CNNM2: variants seen among roughly 807,000 people sequenced by gnomAD.
The protein encoded by CNNM2 is cyclin and CBS domain divalent metal cation transport mediator 2.
A neutral mutation model predicts 66.9 loss-of-function variants in CNNM2; 12 were observed. The ratio of observed to expected loss-of-function variants is 0.18; its 90% CI spans 0.11 to 0.29. The LOEUF is 0.29. CNNM2 is among the 10% of genes least tolerant of loss of function. The pLI is 1.00. For synonymous variants in CNNM2, 557 were observed against 501.8 expected, an observed-to-expected ratio of 1.11 and a Z score of -1.47; for missense variants, 705 against 1,167.7, an observed-to-expected ratio of 0.60 and a Z score of 5.77.
At chr10:102,985,363 A>T (rs1244470291) in intron 1 of CNNM2, among the ~76,000 whole-genome samples, 1 of 152,132 alleles carries the variant, frequency 6.6e-6, no homozygotes, top group Admixed American at 6.6e-5. Context: ...AAAATTTTAA[A>T]ATTCTGCTGT....
chr10:103,009,425 C>T (rs1163548204), intron 1 of CNNM2, among the ~76,000 whole-genome samples: 4 of 152,192 alleles, frequency 2.6e-5, no homozygotes, highest in Non-Finnish European at 5.9e-5. Flanking sequence ...GGTATGATGG[C>T]TGACGCCTTT....
intron 1 of CNNM2, among the ~76,000 whole-genome samples, chr10:102,920,468 G>T (rs1845585805): frequency 6.6e-6 from 1 of 152,074 alleles, no homozygotes; most frequent in Non-Finnish European, 1.5e-5. Flanking sequence ...GTGAAGGTAG[G>T]GGCTGGCTGA....
intron 1 of CNNM2, among the ~76,000 whole-genome samples, chr10:102,937,186 T>G (rs1846268590): frequency 6.6e-6 from 1 of 152,182 alleles, no homozygotes. Context: ...TCCAGTTTGT[T>G]TAGATTTGTA....
chr10:102,996,705 G>A (rs1473919125), intron 1 of CNNM2, among the ~76,000 whole-genome samples: 1 of 152,180 alleles, frequency 6.6e-6, no homozygotes, highest in African/African-American at 2.4e-5. Flanking sequence ...AAAAAACTTT[G>A]ATTTGTGAAT....
At chr10:103,069,250 G>A (rs991054631) in intron 5 of CNNM2, among the ~76,000 whole-genome samples, 1 of 152,152 alleles carries the variant, frequency 6.6e-6, no homozygotes, top group Non-Finnish European at 1.5e-5. Context: ...AGTCCCGTCT[G>A]GGGCTACTGT....
At chr10:102,986,779 CAA>C (rs58137673) in intron 1 of CNNM2, among the ~76,000 whole-genome samples, 3 of 120,546 alleles carry the variant, frequency 2.5e-5, no homozygotes, top group Non-Finnish European at 3.4e-5. Context: ...GACTCAGTCT[CAA>C]AAAAAAAAAA....
At chr10:102,957,993 GT>G (rs1415879340) in intron 1 of CNNM2, among the ~76,000 whole-genome samples, 1 of 152,222 alleles carries the variant, frequency 6.6e-6, no homozygotes, top group Non-Finnish European at 1.5e-5. Flanking sequence ...CTGGAGTGCA[GT>G]GGCACGATCT....
In CNNM2 at chr10:102,918,986, C is replaced by A. The variant is rs751388610; in HGVS notation, c.506C>A (p.Thr169Asn). Residue 169 changes from threonine (T) to asparagine (N), a missense_variant, in exon 1 of 8, where the codon ACC becomes AAC. By Grantham distance (65) the Thr-to-Asn change is moderately conservative. Transcript: ENST00000369878. The surrounding 1 kb of genome is among the most constrained non-coding windows in gnomAD (Gnocchi z 4.1). ...ILPHIILNRR[T>N]SGIIEIEIKP... The stretch of plus-strand genomic sequence containing the variant: ...CCCCACATCATTCTCAACCGCCGCA[C>A]CTCGGGCATCATCGAGATCGAGATC... 147 of 1,612,748 alleles carry A rather than the reference C, an allele frequency of 9.1e-5. No homozygotes were observed. The highest frequency in any genetic ancestry group is 1.2e-4 in the Non-Finnish European group (136 of 1,179,542).
chr10:102,979,454 G>A (rs1168093696), intron 1 of CNNM2, among the ~76,000 whole-genome samples: 1 of 152,130 alleles, frequency 6.6e-6, no homozygotes, highest in Non-Finnish European at 1.5e-5. Flanking sequence ...CTTAAATTCA[G>A]ATGTCTGCTC....
At chr10:103,033,651 A>T (rs1373907441) in intron 1 of CNNM2, among the ~76,000 whole-genome samples, 1 of 151,752 alleles carries the variant, frequency 6.6e-6, no homozygotes, top group Non-Finnish European at 1.5e-5. Flanking sequence ...CTACCCTAGG[A>T]TCCTATTTTT....
rs1199581735 is a variant in CNNM2, at chr10:103,079,323, C to G, written c.*2143C>G. The G allele has an allele frequency of 6.6e-6, 1 of 152,320 alleles. No homozygotes were observed. The highest frequency in any genetic ancestry group is 2.4e-5 in the African/African-American group (1 of 41,468). 9.4% of individuals were successfully genotyped at this position (152,320 alleles called of 1,614,324 possible). A position where few individuals can be genotyped will look rare whatever the true frequency, so the allele number is the denominator to read the frequency against. ...CGGGTCTGCGCAGTGCTGGCCTTCC[C>G]TGAGCTGTGGGGAGCCAAGCCTGCC... On this transcript the variant is annotated 3_prime_UTR_variant, in exon 8 of 8. Transcript: ENST00000369878.
intron 1 of CNNM2, among the ~76,000 whole-genome samples, chr10:103,022,871 G>C (rs2064615481): frequency 6.6e-6 from 1 of 152,086 alleles, no homozygotes; most frequent in Non-Finnish European, 1.5e-5. Context: ...CATGGCAAGA[G>C]AGAGAGCAAG....
intron 6 of CNNM2, among the ~76,000 whole-genome samples, 184 bp downstream of exon 6, chr10:103,072,023 G>T (rs903687897): frequency 1.3e-5 from 2 of 152,198 alleles, no homozygotes; most frequent in African/African-American, 4.8e-5. Context: ...GCCACAGCAG[G>T]TGGAGAGTCC....
At chr10:103,015,132 A>C (rs1203487744) in intron 1 of CNNM2, among the ~76,000 whole-genome samples, 2 of 152,200 alleles carry the variant, frequency 1.3e-5, no homozygotes, top group South Asian at 4.1e-4. Flanking sequence ...CAACTTATAC[A>C]AATATATCAC....
intron 1 of CNNM2, among the ~76,000 whole-genome samples, chr10:103,030,194 A>C (rs1467542105): frequency 2.0e-5 from 3 of 152,204 alleles, no homozygotes; most frequent in Non-Finnish European, 4.4e-5. Flanking sequence ...GGATCCCATC[A>C]TGACGGGCTT....
intron 1 of CNNM2, among the ~76,000 whole-genome samples, chr10:103,004,996 TC>T (rs565986373): frequency 6.6e-6 from 1 of 152,104 alleles, no homozygotes; most frequent in South Asian, 2.1e-4. Flanking sequence ...TCTTTTTTTT[TC>T]CCCCCTCCAG....
At chr10:102,960,381 T>A (rs1482714522) in intron 1 of CNNM2, among the ~76,000 whole-genome samples, 2 of 152,214 alleles carry the variant, frequency 1.3e-5, no homozygotes, top group Non-Finnish European at 2.9e-5. Flanking sequence ...CTTTTGTCAT[T>A]ACGTTAATGT....
intron 1 of CNNM2, among the ~76,000 whole-genome samples, chr10:102,976,134 C>T (rs2063625585): frequency 6.6e-6 from 1 of 152,150 alleles, no homozygotes; most frequent in South Asian, 2.1e-4. Flanking sequence ...CTGAGAAGAT[C>T]TGAAAGCAAT....
At chr10:102,960,822 C>G (rs769774759) in intron 1 of CNNM2, among the ~76,000 whole-genome samples, 2 of 141,210 alleles carry the variant, frequency 1.4e-5, no homozygotes, top group African/African-American at 2.6e-5. Flanking sequence ...AGTCCTGCTC[C>G]GTCGCCCAGG....
Sources: allele counts gnomAD v4.1 joint callset (sites outside exome capture counted in the v4.1 genomes callset), GRCh38; gene constraint gnomAD v4.1.1; non-coding constraint Gnocchi (gnomAD v3.1); transcripts MANE v1.5; gene names NCBI Gene and HGNC (gene_info 2026-07-23, HGNC 2026-07-21).